The following CCDC146 variants were observed in gnomAD, a reference collection of about 807,000 sequenced individuals.
The protein encoded by CCDC146 is coiled-coil domain-containing protein 146.
In CCDC146, 92 loss-of-function variants were observed where a neutral mutation model predicts 119.3. That is an observed-to-expected ratio of 0.77 (90% CI 0.65 to 0.92). The LOEUF (loss-of-function observed/expected upper bound fraction) is 0.92, where lower values mean the gene tolerates loss of function less well. Ranked by LOEUF, CCDC146 falls within the 40% of genes least tolerant of loss-of-function variation. The pLI, the probability that CCDC146 is intolerant of heterozygous loss-of-function variation, is 0.00. For missense variants in CCDC146, 1,000 were observed against 1,103.0 expected (o/e 0.91, Z 1.32); for synonymous variants, 372 against 371.8 (o/e 1.00, Z -0.01).
chr7:77,130,886 C>A (rs1215978550), intron 1 of CCDC146, among the ~76,000 whole-genome samples: 1 of 148,642 alleles, frequency 6.7e-6, no homozygotes, highest in African/African-American at 2.5e-5. Context: ...CGTGAGCCAC[C>A]GCGCCCGGCC....
At chr7:77,226,955 T>C (rs200166380) in intron 2 of CCDC146, among the ~76,000 whole-genome samples, 1 of 152,248 alleles carries the variant, frequency 6.6e-6, no homozygotes, top group East Asian at 1.9e-4. Flanking sequence ...TGTTGACGTC[T>C]AGATTATGAT....
chr7:77,140,279 T>TTA (rs1454847129), intron 1 of CCDC146, among the ~76,000 whole-genome samples: 6 of 152,094 alleles, frequency 3.9e-5, no homozygotes, highest in African/African-American at 1.5e-4. Flanking sequence ...GAATATGTAA[T>TTA]AATTAGAGAT....
At chr7:77,148,912 A>G (rs146626078) in intron 1 of CCDC146, among the ~76,000 whole-genome samples, 1,666 of 152,306 alleles carry the variant, frequency 0.011, 23 homozygotes, top group African/African-American at 0.038. Flanking sequence ...GCTCAAAGTA[A>G]TTTATAGATT....
intron 4 of CCDC146, among the ~76,000 whole-genome samples, chr7:77,245,959 C>T (rs1164155624): frequency 6.6e-6 from 1 of 152,104 alleles, no homozygotes; most frequent in Non-Finnish European, 1.5e-5. Flanking sequence ...ATGTGTTTCT[C>T]ATTACTCAAA....
chr7:77,282,638 T>C lies in CCDC146; in HGVS notation c.2001T>C (p.Asn667=), dbSNP rs1562861719. The change falls in exon 15 of 19, where the codon AAT becomes AAC. Residue 667 remains asparagine, a synonymous_variant. Transcript: ENST00000285871. ...ATATCCAAGAGAAGATGAAACTAAA[T>C]GGAGAAATTGAAATACATCTACTGG... ...KINIQEKMKL[N]GEIEIHLLEE... is the part of the protein sequence containing the mutation. The C allele has an allele frequency of 6.2e-7, 1 of 1,612,658 alleles. No homozygotes were observed. The highest frequency in any genetic ancestry group is 8.5e-7 in the Non-Finnish European group (1 of 1,178,708).
At chr7:77,209,707 C>T (rs554184001) in intron 2 of CCDC146, among the ~76,000 whole-genome samples, 32 of 152,334 alleles carry the variant, frequency 2.1e-4, no homozygotes, top group African/African-American at 7.2e-4. Context: ...CGGGCATTTC[C>T]GTACATCCCT....
At chr7:77,203,311 A>G (rs963223543) in intron 2 of CCDC146, among the ~76,000 whole-genome samples, 1 of 152,102 alleles carries the variant, frequency 6.6e-6, no homozygotes, top group Non-Finnish European at 1.5e-5. Flanking sequence ...CAGAGGTAGC[A>G]GTAGGTTGGG....
At chr7:77,223,399 G>C (rs1455434094) in intron 2 of CCDC146, among the ~76,000 whole-genome samples, 1 of 152,150 alleles carries the variant, frequency 6.6e-6, no homozygotes, top group South Asian at 2.1e-4. Context: ...CTTAACTCTT[G>C]GGAGGCCCCG....
chr7:77,206,684 C>CAT (rs201755714), intron 2 of CCDC146, among the ~76,000 whole-genome samples: 3,315 of 150,258 alleles, frequency 0.022, 121 homozygotes, highest in East Asian at 0.14. Flanking sequence ...CACACACACA[C>CAT]ACACACATAC....
chr7:77,288,323 A>G (rs1271912918), intron 17 of CCDC146, among the ~76,000 whole-genome samples: 2 of 152,192 alleles, frequency 1.3e-5, no homozygotes, highest in Non-Finnish European at 2.9e-5. Context: ...GGTAACTGAT[A>G]AAGAAAAGAG....
intron 1 of CCDC146, among the ~76,000 whole-genome samples, chr7:77,159,151 T>C (rs1198503472): frequency 1.3e-5 from 2 of 152,144 alleles, no homozygotes; most frequent in Non-Finnish European, 2.9e-5. Flanking sequence ...TGTATTATTA[T>C]TTTTGTTGCT....
At chr7:77,194,785 A>C (rs2150428487) in intron 2 of CCDC146, 1 of 152,280 alleles carries the variant, frequency 6.6e-6, no homozygotes, top group East Asian at 1.9e-4. Flanking sequence ...CATTTTTAAA[A>C]ATACGCAGAA....
intron 18 of CCDC146, 136 bp downstream of exon 18, chr7:77,293,336 AT>A: frequency 1.1e-6 from 1 of 925,238 alleles, no homozygotes; most frequent in South Asian, 1.6e-5. Context: ...TTAGAAGTGT[AT>A]TTAAGATATT....
intron 2 of CCDC146, among the ~76,000 whole-genome samples, chr7:77,223,210 T>C (rs1328809567): frequency 1.3e-5 from 2 of 152,262 alleles, no homozygotes; most frequent in African/African-American, 2.4e-5. Flanking sequence ...GTTAAAGGTC[T>C]AAGCAACTGC....
Position 77,196,682 on chromosome 7 carries a change from T to A in CCDC146, c.156+28858T>A. On this transcript the variant is annotated intron_variant, in intron 2 of 18. Transcript: ENST00000285871. The surrounding 1 kb of genome is among the most constrained non-coding windows in gnomAD (Gnocchi z 4.2). ...GGCATATAGTTCGACACCATTAAAG[T>A]CTTCAAGATCTATTCTCAGAATCAT... 6.2e-7 allele frequency: 1 copy of A among 1,614,238 alleles called. No individual in the cohort carries two copies. The highest frequency in any genetic ancestry group is 8.5e-7 in the Non-Finnish European group (1 of 1,180,024).
chr7:77,211,197 G>A (rs549281343), intron 2 of CCDC146, among the ~76,000 whole-genome samples: 5 of 152,126 alleles, frequency 3.3e-5, no homozygotes, highest in South Asian at 2.1e-4. Context: ...CTAACATAGC[G>A]ACTATCCTAA....
At chr7:77,133,652 C>CTTTT (rs71524906) in intron 1 of CCDC146, among the ~76,000 whole-genome samples, 7 of 137,824 alleles carry the variant, frequency 5.1e-5, no homozygotes, top group African/African-American at 1.6e-4. Flanking sequence ...CCTGGAACAC[C>CTTTT]TTTTTTTTTT....
chr7:77,262,849 T>C lies in CCDC146; in HGVS notation c.1173+542T>C, dbSNP rs543722168. ...AAGACAACTGTTACCTGCCTCTGTG[T>C]TCCCAAGTGAGGGGTCTGGTTGCCC... is the stretch of plus-strand genomic sequence containing the variant. On this transcript the variant is annotated intron_variant, in intron 9 of 18. Transcript: ENST00000285871. 3.3e-5 allele frequency among the ~76,000 whole-genome samples: 5 copies of C among 152,312 alleles called. 1 individual carries two copies. In the South Asian group the frequency reaches 1.0e-3, roughly 32 times the overall value.
chr7:77,125,238 A>G (rs1006899002), intron 1 of CCDC146, among the ~76,000 whole-genome samples: 11 of 150,754 alleles, frequency 7.3e-5, no homozygotes, highest in African/African-American at 2.5e-4. Flanking sequence ...AGTATTACAT[A>G]AATTAGTATA....
Sources: allele counts gnomAD v4.1 joint callset (sites outside exome capture counted in the v4.1 genomes callset), GRCh38; gene constraint gnomAD v4.1.1; non-coding constraint Gnocchi (gnomAD v3.1); transcripts MANE v1.5; gene names NCBI Gene and HGNC (gene_info 2026-07-23, HGNC 2026-07-21).